Variants in TBCEL observed in about 807,000 individuals in gnomAD.
TBCEL encodes the protein tubulin-specific chaperone cofactor E-like protein.
In TBCEL, 15 loss-of-function variants were observed where a neutral mutation model predicts 44.2. The observed-to-expected ratio is 0.34, with a 90% confidence interval of 0.23 to 0.52. TBCEL has a LOEUF of 0.52. TBCEL is among the 20% of genes least tolerant of loss of function. The pLI, the probability that TBCEL is intolerant of heterozygous loss-of-function variation, is 0.95. For synonymous variants in TBCEL, 171 were observed against 185.4 expected, an observed-to-expected ratio of 0.92 and a Z score of 0.63; for missense variants, 319 against 506.3, an observed-to-expected ratio of 0.63 and a Z score of 3.55.
At chr11:121,041,782 A>T (rs1477930383) in intron 2 of TBCEL, among the ~76,000 whole-genome samples, 1 of 151,836 alleles carries the variant, frequency 6.6e-6, no homozygotes, top group African/African-American at 2.4e-5. Flanking sequence ...TTACCAATCC[A>T]TTTCACAATC....
intron 2 of TBCEL, among the ~76,000 whole-genome samples, chr11:121,042,449 A>G (rs1255109342): frequency 1.3e-5 from 2 of 152,150 alleles, no homozygotes; most frequent in African/African-American, 4.8e-5. Context: ...AACACAACAC[A>G]GTTCAATTTT....
intron 7 of TBCEL, 87 bp from the exon 8 acceptor site, chr11:121,059,882 G>C: frequency 1.1e-6 from 1 of 901,648 alleles, no homozygotes; most frequent in Admixed American, 2.3e-5. Flanking sequence ...AAGAAAATAA[G>C]ACTGGGCCAC....
chr11:121,078,982 A>G (rs1341117423), intron 8 of TBCEL, among the ~76,000 whole-genome samples: 2 of 152,248 alleles, frequency 1.3e-5, no homozygotes, highest in African/African-American at 4.8e-5. Context: ...GTATTCTATC[A>G]TATGAATAGA....
At chr11:121,043,143 T>G (rs1945364164) in intron 2 of TBCEL, among the ~76,000 whole-genome samples, 1 of 152,104 alleles carries the variant, frequency 6.6e-6, no homozygotes, top group Non-Finnish European at 1.5e-5. Context: ...GGCACAAAAC[T>G]ATTATGTAGT....
chr11:121,086,619 G>C (rs570420390), intron 8 of TBCEL, among the ~76,000 whole-genome samples, 159 bp from the exon 9 acceptor site: 7 of 152,142 alleles, frequency 4.6e-5, no homozygotes, highest in Non-Finnish European at 1.5e-5. Flanking sequence ...CCTCCCTAGG[G>C]CACTCATATT....
intron 4 of TBCEL, among the ~76,000 whole-genome samples, chr11:121,049,823 G>A (rs1945498111): frequency 6.6e-6 from 1 of 151,764 alleles, no homozygotes; most frequent in Non-Finnish European, 1.5e-5. Flanking sequence ...TCAGTATACA[G>A]TGTGTACACT....
intron 8 of TBCEL, among the ~76,000 whole-genome samples, chr11:121,070,729 G>A (rs1167687152): frequency 1.3e-5 from 2 of 151,020 alleles, no homozygotes; most frequent in Non-Finnish European, 2.9e-5. Flanking sequence ...GGGAGGGATA[G>A]CATTAGGAGA....
At position 121,024,228 on chromosome 11, in the gene TBCEL, G is replaced by A. The variant is rs888092026; in HGVS notation, c.-189G>A. On this transcript the variant is annotated 5_prime_UTR_variant, in exon 1 of 9. Transcript: ENST00000683345. ...GCGGCGGCGACAGCGGTGGCCGGGA[G>A]GGGGGAGGAGAGGCGCAGCCAGAGG... 6.5e-6 allele frequency: 1 copy of A among 152,854 alleles called. No individual in the cohort carries two copies. Among genetic ancestry groups the A allele is most frequent in the Non-Finnish European group, 1.5e-5 (1 of 68,334 alleles). 9.5% of individuals were successfully genotyped at this position (152,854 alleles called of 1,614,324 possible).
chr11:121,053,537 T>G lies in TBCEL; in HGVS notation c.274-14T>G. ...GATTACTGCCTGATAATGCTTTTCT[T>G]TTTTTCTCCTTAGGTCAGTAAAATT... On this transcript the variant is annotated splice_polypyrimidine_tract_variant and intron_variant, in intron 4 of 8. Transcript: ENST00000683345. 2 of 1,610,016 alleles carry G rather than the reference T, an allele frequency of 1.2e-6. No individual in the cohort carries two copies. Among genetic ancestry groups the G allele is most frequent in the Middle Eastern group, 1.7e-4 (1 of 6,040 alleles).
chr11:121,031,067 A>G (rs951323063), intron 1 of TBCEL, among the ~76,000 whole-genome samples: 1 of 152,160 alleles, frequency 6.6e-6, no homozygotes, highest in South Asian at 2.1e-4. Context: ...GTTCTTAGAT[A>G]TAAGGGCTTC....
intron 2 of TBCEL, among the ~76,000 whole-genome samples, chr11:121,044,251 ATCAGC>A (rs1249654009): frequency 6.6e-6 from 1 of 152,014 alleles, no homozygotes; most frequent in African/African-American, 2.4e-5. Context: ...CTGCATATTC[ATCAGC>A]TCCATGATTC....
In TBCEL at chr11:121,088,153, A is replaced by T. The variant is rs1157494168; in HGVS notation, c.*1057A>T. 1 of 152,216 alleles carries T rather than the reference A, an allele frequency of 6.6e-6. No homozygotes were observed. The highest frequency in any genetic ancestry group is 2.1e-4 in the South Asian group (1 of 4,830). The allele number at this position is 152,216 out of a possible 1,614,324, so 9.4% of individuals were successfully genotyped here. On this transcript the variant is annotated 3_prime_UTR_variant, in exon 9 of 9. Coordinates refer to ENST00000683345, the MANE Select transcript of TBCEL (RefSeq NM_001363644.2). Reference sequence around the variant, plus strand: ...TATGACTTTCCCACCTGTGTCATCCATTGGAAGCCCTTGCTCTTGCACTTT... The same window carrying T: ...TATGACTTTCCCACCTGTGTCATCCTTTGGAAGCCCTTGCTCTTGCACTTT...
At chr11:121,062,997 T>G (rs534522637) in intron 8 of TBCEL, among the ~76,000 whole-genome samples, 66 of 152,142 alleles carry the variant, frequency 4.3e-4, no homozygotes, top group Non-Finnish European at 7.8e-4. Context: ...GTACTTACCA[T>G]GTGACTAGCA....
chr11:121,027,739 T>C (rs1023426488), intron 1 of TBCEL, among the ~76,000 whole-genome samples: 1 of 152,202 alleles, frequency 6.6e-6, no homozygotes, highest in East Asian at 1.9e-4. Flanking sequence ...CTGTACTGCC[T>C]TTGCTATATT....
intron 6 of TBCEL, among the ~76,000 whole-genome samples, chr11:121,057,044 G>A (rs1223249109): frequency 6.6e-6 from 1 of 151,674 alleles, no homozygotes; most frequent in Non-Finnish European, 1.5e-5. Flanking sequence ...ATTTACCATA[G>A]AGGTTTTAAA....
At chr11:121,040,819 G>A (rs1041990143) in intron 2 of TBCEL, among the ~76,000 whole-genome samples, 1 of 152,096 alleles carries the variant, frequency 6.6e-6, no homozygotes, top group African/African-American at 2.4e-5. Flanking sequence ...GTGAATTCAA[G>A]TGTTCAAAAG....
In TBCEL at chr11:121,088,126, C is replaced by G. The variant is rs1946244748; in HGVS notation, c.*1030C>G. ...GAAGTTGGGGGATGTGGGGGAAGAG[C>G]TTATGACTTTCCCACCTGTGTCATC... On this transcript the variant is annotated 3_prime_UTR_variant, in exon 9 of 9. Transcript: ENST00000683345. The G allele has an allele frequency of 6.6e-6, 1 of 152,180 alleles. No individual in the cohort carries two copies. Among genetic ancestry groups the G allele is most frequent in the African/African-American group, 2.4e-5 (1 of 41,430 alleles). 9.4% of individuals were successfully genotyped at this position (152,180 alleles called of 1,614,324 possible).
At chr11:121,083,298 T>C (rs945953663) in intron 8 of TBCEL, among the ~76,000 whole-genome samples, 1 of 152,110 alleles carries the variant, frequency 6.6e-6, no homozygotes, top group Non-Finnish European at 1.5e-5. Flanking sequence ...TGGTAATTGA[T>C]TGAATGTGGT....
At chr11:121,071,052 A>C (rs895584202) in intron 8 of TBCEL, among the ~76,000 whole-genome samples, 1 of 152,174 alleles carries the variant, frequency 6.6e-6, no homozygotes. Flanking sequence ...CTCTGAGGGT[A>C]TAGAAATATC....
Sources: allele counts gnomAD v4.1 joint callset (sites outside exome capture counted in the v4.1 genomes callset), GRCh38; gene constraint gnomAD v4.1.1; transcripts MANE v1.5; gene names NCBI Gene and HGNC (gene_info 2026-07-23, HGNC 2026-07-21).